NPSR1: variants seen among roughly 807,000 people sequenced by gnomAD.
NPSR1 encodes neuropeptide S receptor.
Under a neutral mutation model 46.9 loss-of-function variants are expected in NPSR1, and 48 were observed. The observed-to-expected ratio is 1.02, with a 90% confidence interval of 0.81 to 1.30. NPSR1 has a LOEUF of 1.30. Ranked by LOEUF, NPSR1 falls within the 50% of genes most tolerant of loss-of-function variation. The probability of loss-of-function intolerance (pLI) is 0.00; values close to 1 mark genes in which losing one functional copy is unlikely to be tolerated. For synonymous variants in NPSR1, 176 were observed against 168.1 expected, an observed-to-expected ratio of 1.05 and a Z score of -0.36; for missense variants, 450 against 449.5, an observed-to-expected ratio of 1.00 and a Z score of -0.01.
At chr7:34,718,165 A>G (rs928347174) in intron 2 of NPSR1, among the ~76,000 whole-genome samples, 6 of 152,354 alleles carry the variant, frequency 3.9e-5, no homozygotes, top group African/African-American at 1.2e-4. Context: ...TAAAAATATT[A>G]TTTATAAATT....
chr7:34,739,856 T>TA (rs1372933852), intron 2 of NPSR1, among the ~76,000 whole-genome samples: 1 of 152,172 alleles, frequency 6.6e-6, no homozygotes, highest in Non-Finnish European at 1.5e-5. Context: ...TTTGGTTGTT[T>TA]AATGCATTAT....
At chr7:34,874,597 C>T (rs911828845) in intron 8 of NPSR1, among the ~76,000 whole-genome samples, 5 of 152,146 alleles carry the variant, frequency 3.3e-5, no homozygotes, top group African/African-American at 1.2e-4. Flanking sequence ...ACCGTGAGAC[C>T]ATCTTGTCTT....
At chr7:34,873,063 T>C (rs532776442) in intron 8 of NPSR1, among the ~76,000 whole-genome samples, 4 of 151,748 alleles carry the variant, frequency 2.6e-5, no homozygotes, top group African/African-American at 9.7e-5. Flanking sequence ...TTCAAACTTC[T>C]ATAGAGCCTT....
downstream of NPSR1, among the ~76,000 whole-genome samples, chr7:34,850,362 G>C (rs1007041581): frequency 6.6e-6 from 1 of 150,828 alleles, no homozygotes; most frequent in South Asian, 2.1e-4. Flanking sequence ...TCCAGCCTCT[G>C]AGAGCTGGTC....
At chr7:34,750,445 G>A (rs570437618) in intron 2 of NPSR1, 15 of 742,008 alleles carry the variant, frequency 2.0e-5, no homozygotes, top group Admixed American at 1.2e-4. Flanking sequence ...CTGGTGTGAC[G>A]AAGTCATTGT....
intron 2 of NPSR1, among the ~76,000 whole-genome samples, chr7:34,703,201 T>C (rs541652338): frequency 2.2e-4 from 33 of 152,090 alleles, no homozygotes; most frequent in African/African-American, 7.7e-4. Context: ...CTACTAAAAA[T>C]ACAAAAAATC....
At chr7:34,744,390 G>A (rs995728152) in intron 2 of NPSR1, among the ~76,000 whole-genome samples, 2 of 152,026 alleles carry the variant, frequency 1.3e-5, no homozygotes, top group South Asian at 4.2e-4. Context: ...TTGAGAGCAA[G>A]TCTACATGTG....
chr7:34,741,306 G>T (rs1162283572), intron 2 of NPSR1, among the ~76,000 whole-genome samples: 1 of 152,160 alleles, frequency 6.6e-6, no homozygotes, highest in African/African-American at 2.4e-5. Flanking sequence ...ATACCCAGAG[G>T]TGAAAGCTCA....
chr7:34,866,479 C>A (rs571318490), intron 8 of NPSR1, among the ~76,000 whole-genome samples: 1 of 151,490 alleles, frequency 6.6e-6, no homozygotes, highest in Admixed American at 6.6e-5. Flanking sequence ...AGAACCTGTC[C>A]GTTGTTCAGT....
intron 8 of NPSR1, among the ~76,000 whole-genome samples, chr7:34,871,945 G>A (rs1222064478): frequency 1.3e-5 from 2 of 151,772 alleles, no homozygotes; most frequent in Non-Finnish European, 2.9e-5. Context: ...GAAGGCAGTG[G>A]CCCCCTTCCC....
chr7:34,783,867 G>A (rs576183395), intron 3 of NPSR1, among the ~76,000 whole-genome samples: 1 of 152,046 alleles, frequency 6.6e-6, no homozygotes, highest in Non-Finnish European at 1.5e-5. Flanking sequence ...CATATGTAAG[G>A]AAGGAAAAAC....
intron 2 of NPSR1, among the ~76,000 whole-genome samples, chr7:34,721,522 T>C: frequency 6.6e-6 from 1 of 152,202 alleles, no homozygotes; most frequent in Non-Finnish European, 1.5e-5. Flanking sequence ...GCATTCTTAT[T>C]CATTCTCTCA....
intron 2 of NPSR1, among the ~76,000 whole-genome samples, chr7:34,766,866 C>T (rs1281897655): frequency 1.3e-5 from 2 of 152,146 alleles, no homozygotes; most frequent in South Asian, 4.1e-4. Context: ...AGCCACCGTG[C>T]CCGGCCTATG....
chr7:34,868,257 T>C (rs186066353), intron 8 of NPSR1, among the ~76,000 whole-genome samples: 1 of 151,454 alleles, frequency 6.6e-6, no homozygotes. Flanking sequence ...CCCCCTTCAC[T>C]AGAAAGCCAG....
intron 2 of NPSR1, among the ~76,000 whole-genome samples, chr7:34,696,822 A>G (rs1234224575): frequency 6.6e-6 from 1 of 152,058 alleles, no homozygotes; most frequent in East Asian, 1.9e-4. Context: ...CAAAACACAA[A>G]TACATAAAGC....
intron 3 of NPSR1, among the ~76,000 whole-genome samples, chr7:34,792,703 A>ATATATATATTTATATATATATG (rs57249705): frequency 4.5e-5 from 4 of 88,564 alleles, no homozygotes; most frequent in Middle Eastern, 6.6e-3. Context: ...ATATATACGT[A>ATATATATATTTATATATATATG]TATATATATA....
intron 2 of NPSR1, among the ~76,000 whole-genome samples, chr7:34,731,918 T>C (rs952578418): frequency 2.0e-5 from 3 of 152,014 alleles, no homozygotes; most frequent in African/African-American, 4.8e-5. Context: ...CAGCGGCTCA[T>C]GCCTGTAATC....
intron 6 of NPSR1, among the ~76,000 whole-genome samples, chr7:34,836,611 A>G (rs1790379630): frequency 6.6e-6 from 1 of 151,618 alleles, no homozygotes; most frequent in Non-Finnish European, 1.5e-5. Flanking sequence ...AGAGAGAAAG[A>G]GTGAGGAAAG....
chr7:34,829,210 G>A lies in NPSR1; in HGVS notation c.680+1608G>A, dbSNP rs766467290. On this transcript the variant is annotated intron_variant, in intron 5 of 8. Coordinates refer to ENST00000360581, the MANE Select transcript of NPSR1 (RefSeq NM_207172.2). The stretch of plus-strand genomic sequence containing the variant: ...AAAAGAAGTTAACTGCCTTGCCCCC[G>A]CCCCCTCATCAGAGATTGAGATGGG... Among the ~76,000 whole-genome samples the A allele has an allele frequency of 5.9e-5, 9 of 151,794 alleles. No individual in the cohort carries two copies. In the South Asian group the frequency reaches 1.5e-3, roughly 25 times the overall value.
Sources: gnomAD v4.1 joint callset for allele counts (sites outside exome capture counted in the v4.1 genomes callset) on GRCh38, gnomAD v4.1.1 for gene constraint, MANE v1.5 for transcripts, NCBI Gene and HGNC (gene_info 2026-07-23, HGNC 2026-07-21) for gene names.